GRID2: variants seen among roughly 807,000 people sequenced by gnomAD.
GRID2 encodes the protein glutamate ionotropic receptor delta type subunit 2, also known as glutamate receptor ionotropic, delta-2.
In GRID2, 33 loss-of-function variants were observed where a neutral mutation model predicts 114.8. The observed-to-expected ratio is 0.29, with a 90% CI of 0.22 to 0.38. The LOEUF is 0.38. Ranked by LOEUF, GRID2 falls within the 10% of genes least tolerant of loss-of-function variation. GRID2 has a pLI of 1.00. For missense variants in GRID2, 1,184 were observed against 1,257.7 expected, an observed-to-expected ratio of 0.94 and a Z score of 0.89; for synonymous variants, 505 against 449.9, an observed-to-expected ratio of 1.12 and a Z score of -1.55.
At chr4:92,801,057 C>T (rs1264091973) in intron 2 of GRID2, among the ~76,000 whole-genome samples, 2 of 151,980 alleles carry the variant, frequency 1.3e-5, no homozygotes, top group Non-Finnish European at 1.5e-5. Context: ...TAGCACCTGG[C>T]TCATTGAGTA....
intron 2 of GRID2, among the ~76,000 whole-genome samples, chr4:92,736,754 TCAA>T (rs1736618169): frequency 6.6e-6 from 1 of 152,092 alleles, no homozygotes; most frequent in Non-Finnish European, 1.5e-5. Flanking sequence ...CCTAAACATT[TCAA>T]CGTTTTTCTT....
chr4:93,623,309 C>T (rs187833688), intron 13 of GRID2, among the ~76,000 whole-genome samples: 3,839 of 147,612 alleles, frequency 0.026, 58 homozygotes, highest in Non-Finnish European at 0.028. Context: ...CTCCCCTAGC[C>T]CCCTGACCCC....
At chr4:92,864,025 C>A (rs1040976272) in intron 2 of GRID2, among the ~76,000 whole-genome samples, 1 of 152,130 alleles carries the variant, frequency 6.6e-6, no homozygotes, top group African/African-American at 2.4e-5. Flanking sequence ...AGACACGCCT[C>A]AAGGTGCTTC....
chr4:93,167,255 G>A (rs1321088211), intron 4 of GRID2, among the ~76,000 whole-genome samples: 1 of 151,996 alleles, frequency 6.6e-6, no homozygotes, highest in African/African-American at 2.4e-5. Context: ...TACTCTAGAG[G>A]CACCCCATTC....
chr4:93,732,903 T>G (rs1354519345), intron 14 of GRID2, among the ~76,000 whole-genome samples: 1 of 144,864 alleles, frequency 6.9e-6, no homozygotes, highest in Non-Finnish European at 1.5e-5. Context: ...TGTGCATATG[T>G]GGGGTCACTT....
chr4:93,513,999 T>C (rs991160796), intron 12 of GRID2, among the ~76,000 whole-genome samples: 2 of 152,190 alleles, frequency 1.3e-5, no homozygotes, highest in African/African-American at 4.8e-5. Context: ...CTTATGGTTG[T>C]AGAGTTCTGT....
At chr4:93,246,140 TAAC>T (rs1301155590) in intron 8 of GRID2, among the ~76,000 whole-genome samples, 1 of 152,192 alleles carries the variant, frequency 6.6e-6, no homozygotes, top group Non-Finnish European at 1.5e-5. Flanking sequence ...GGAAATCTAA[TAAC>T]AGAAAATCTG....
At chr4:93,410,153 T>C (rs1424228263) in intron 9 of GRID2, among the ~76,000 whole-genome samples, 1 of 152,110 alleles carries the variant, frequency 6.6e-6, no homozygotes, top group Non-Finnish European at 1.5e-5. Flanking sequence ...ATAAAAAAAC[T>C]AAATGAGGTA....
At position 93,348,687 on chromosome 4, in the gene GRID2, G is replaced by A. The variant is rs560707140; in HGVS notation, c.1246-46920G>A. ...CACTCATAGACTGCTTCCCACAGAGGAACTGGAGCATTCATCATTCTACTG... is the reference window on the plus strand; with the variant it reads ...CACTCATAGACTGCTTCCCACAGAGAAACTGGAGCATTCATCATTCTACTG... On this transcript the variant is annotated intron_variant, in intron 8 of 15. Transcript: ENST00000282020. Among the ~76,000 whole-genome samples the A allele has an allele frequency of 2.6e-5, 4 of 152,214 alleles. No individual in the cohort carries two copies. In the South Asian group the frequency reaches 8.3e-4, roughly 32 times the overall value.
chr4:92,885,716 G>T (rs192031945), intron 2 of GRID2, among the ~76,000 whole-genome samples: 1 of 152,306 alleles, frequency 6.6e-6, no homozygotes, highest in East Asian at 1.9e-4. Flanking sequence ...CTTCTGATCA[G>T]AATGAAGTTG....
At position 92,756,128 on chromosome 4, in the gene GRID2, T is replaced by C. The variant is rs187540889; in HGVS notation, c.244+165842T>C. Reference sequence around the variant, plus strand: ...CATCCTTCCCAGGCTCTGGTAACTATTATTCTCCTCTCTACCTCCATGAGA... The same window carrying C: ...CATCCTTCCCAGGCTCTGGTAACTACTATTCTCCTCTCTACCTCCATGAGA... On this transcript the variant is annotated intron_variant, in intron 2 of 15. Coordinates refer to ENST00000282020, the MANE Select transcript of GRID2 (RefSeq NM_001510.4). 3.2e-3 allele frequency among the ~76,000 whole-genome samples: 484 copies of C among 152,258 alleles called. 2 individuals carry two copies. The highest frequency in any genetic ancestry group is 0.011 in the African/African-American group (463 of 41,562).
At chr4:92,677,872 C>T (rs575599803) in intron 2 of GRID2, among the ~76,000 whole-genome samples, 1 of 152,208 alleles carries the variant, frequency 6.6e-6, no homozygotes, top group East Asian at 1.9e-4. Flanking sequence ...CCTACATCAT[C>T]CAGGGAAGTT....
At chr4:93,049,741 A>G (rs1265677988) in intron 2 of GRID2, among the ~76,000 whole-genome samples, 3 of 152,010 alleles carry the variant, frequency 2.0e-5, no homozygotes, top group African/African-American at 7.2e-5. Context: ...GCTCACTAAT[A>G]TAAATATATG....
intron 14 of GRID2, among the ~76,000 whole-genome samples, chr4:93,648,118 C>T (rs6532420): frequency 0.28 from 42,168 of 151,832 alleles, 8,286 homozygotes; most frequent in African/African-American, 0.56. Flanking sequence ...GAAAGAGGGA[C>T]GATACCATAA....
chr4:92,744,504 A>T (rs1474649206), intron 2 of GRID2, among the ~76,000 whole-genome samples: 1 of 151,842 alleles, frequency 6.6e-6, no homozygotes, highest in Admixed American at 6.6e-5. Context: ...AAAAAAAAAA[A>T]AATTTTTTTT....
chr4:93,338,514 T>C (rs1759317072), intron 8 of GRID2, among the ~76,000 whole-genome samples: 1 of 152,136 alleles, frequency 6.6e-6, no homozygotes, highest in South Asian at 2.1e-4. Context: ...AGTAAAGTAA[T>C]TTGGAAGTGA....
At chr4:92,790,656 G>A (rs536566015) in intron 2 of GRID2, among the ~76,000 whole-genome samples, 42 of 149,212 alleles carry the variant, frequency 2.8e-4, no homozygotes, top group African/African-American at 9.6e-4. Context: ...AGATTCAAGC[G>A]ATTCTCCCAA....
intron 2 of GRID2, among the ~76,000 whole-genome samples, chr4:92,647,843 T>C (rs1300055579): frequency 1.3e-5 from 2 of 149,774 alleles, no homozygotes; most frequent in African/African-American, 5.0e-5. Context: ...GAACCAATAA[T>C]TTGAAATGTT....
At chr4:92,518,064 T>C (rs934045351) in intron 1 of GRID2, among the ~76,000 whole-genome samples, 2 of 151,856 alleles carry the variant, frequency 1.3e-5, no homozygotes, top group Non-Finnish European at 1.5e-5. Flanking sequence ...TCCCCACCCA[T>C]ACCCCATTTC....
Sources: allele counts gnomAD v4.1 joint callset (sites outside exome capture counted in the v4.1 genomes callset), GRCh38; gene constraint gnomAD v4.1.1; transcripts MANE v1.5; gene names NCBI Gene and HGNC (gene_info 2026-07-23, HGNC 2026-07-21).